The following BEND3 variants were observed in gnomAD, a reference collection of about 807,000 sequenced individuals.
BEND3 encodes BEN domain-containing protein 3.
A neutral mutation model predicts 60.1 loss-of-function variants in BEND3; 13 were observed. The ratio of observed to expected loss-of-function variants is 0.22; its 90% CI spans 0.14 to 0.34. The LOEUF (loss-of-function observed/expected upper bound fraction) is 0.34, where lower values mean the gene tolerates loss of function less well. Among genes scored for constraint, BEND3 ranks in the 10% least tolerant of loss-of-function variants. The probability of loss-of-function intolerance (pLI) is 1.00; values close to 1 mark genes in which losing one functional copy is unlikely to be tolerated. For missense variants in BEND3, 896 were observed against 1,138.1 expected, an observed-to-expected ratio of 0.79 and a Z score of 3.06; for synonymous variants, 497 against 491.5, an observed-to-expected ratio of 1.01 and a Z score of -0.15.
chr6:107,071,450 G>A (rs550190462), intron 3 of BEND3, among the ~76,000 whole-genome samples: 1 of 152,306 alleles, frequency 6.6e-6, no homozygotes, highest in Admixed American at 6.5e-5. Context: ...GCAGCCTTTG[G>A]GAGAGCAGGC....
chr6:107,090,727 T>TA (rs1775458126), intron 3 of BEND3, among the ~76,000 whole-genome samples: 2 of 152,148 alleles, frequency 1.3e-5, no homozygotes, highest in African/African-American at 4.8e-5. Context: ...ATGCTTGGAC[T>TA]AGTTGTAAAT....
At chr6:107,086,854 G>A (rs143819868) in intron 3 of BEND3, among the ~76,000 whole-genome samples, 5,036 of 150,922 alleles carry the variant, frequency 0.033, 220 homozygotes, top group African/African-American at 0.099. Context: ...GTAAAACCCC[G>A]TCTCTACTAA....
chr6:107,100,547 G>A (rs970911176), intron 1 of BEND3, among the ~76,000 whole-genome samples: 1 of 152,154 alleles, frequency 6.6e-6, no homozygotes, highest in African/African-American at 2.4e-5. Flanking sequence ...GATTAGAGGT[G>A]TGAGCCATTG....
At chr6:107,072,960 C>G (rs1775013981) in intron 3 of BEND3, among the ~76,000 whole-genome samples, 1 of 151,868 alleles carries the variant, frequency 6.6e-6, no homozygotes, top group East Asian at 1.9e-4. Context: ...TGCACCCCAG[C>G]CTGGGTGACA....
At chr6:107,073,510 C>T (rs1443737794) in intron 3 of BEND3, among the ~76,000 whole-genome samples, 2 of 151,938 alleles carry the variant, frequency 1.3e-5, no homozygotes, top group Non-Finnish European at 1.5e-5. Context: ...CAGTGCCTAG[C>T]AAAGTGCCCA....
chr6:107,110,230 AAT>A (rs1190902642), intron 1 of BEND3, among the ~76,000 whole-genome samples: 7 of 152,178 alleles, frequency 4.6e-5, no homozygotes, highest in Non-Finnish European at 7.3e-5. Context: ...GCTCTAAAAC[AAT>A]AGTTTGTAAA....
At chr6:107,099,202 A>C in intron 2 of BEND3, 47 bp downstream of exon 2, 1 of 1,465,382 alleles carries the variant, frequency 6.8e-7, no homozygotes, top group Non-Finnish European at 9.6e-7. Context: ...ACCTGATCAA[A>C]AGTATTCAGT....
At chr6:107,080,652 C>T (rs879999427) in intron 3 of BEND3, among the ~76,000 whole-genome samples, 4 of 151,498 alleles carry the variant, frequency 2.6e-5, no homozygotes, top group Non-Finnish European at 2.9e-5. Context: ...GAGGCCAGGG[C>T]GGGTGGATCT....
intron 1 of BEND3, chr6:107,114,512 G>C (rs1428004219): frequency 6.6e-6 from 1 of 151,708 alleles, no homozygotes; most frequent in Non-Finnish European, 1.5e-5. Flanking sequence ...TCCTCCGAGC[G>C]GCTGCTCCCC....
rs147225530 is a variant in BEND3, at chr6:107,087,191, C to T, written c.240+11360G>A. Among the ~76,000 whole-genome samples the T allele has an allele frequency of 2.0e-4, 30 of 151,648 alleles. 1 individual carries two copies. The highest frequency in any genetic ancestry group is 7.2e-4 in the Admixed American group (11 of 15,198). The stretch of plus-strand genomic sequence containing the variant: ...TACTAAAAATACAAAAATCAGCGAA[C>T]GCCTGTAATCCTAACTATTTGGCAG... On this transcript the variant is annotated intron_variant, in intron 3 of 3. Transcript: ENST00000369042.
chr6:107,075,073 C>T (rs1419460646), intron 3 of BEND3, among the ~76,000 whole-genome samples: 16 of 150,168 alleles, frequency 1.1e-4, no homozygotes, highest in Non-Finnish European at 2.2e-4. Flanking sequence ...GCCTGGGCAA[C>T]AGAGCGTCTC....
intron 3 of BEND3, among the ~76,000 whole-genome samples, chr6:107,076,913 A>G (rs1554232839): frequency 6.6e-6 from 1 of 151,796 alleles, no homozygotes; most frequent in African/African-American, 2.4e-5. Context: ...GCTCACTGCA[A>G]CCTTCGCCAT....
chr6:107,084,240 T>G (rs1775293765), intron 3 of BEND3, among the ~76,000 whole-genome samples: 1 of 152,172 alleles, frequency 6.6e-6, no homozygotes. Context: ...GAACTGCAAC[T>G]GAGGAATTGC....
intron 3 of BEND3, among the ~76,000 whole-genome samples, chr6:107,075,664 C>T (rs1337380400): frequency 6.6e-6 from 1 of 152,086 alleles, no homozygotes; most frequent in East Asian, 1.9e-4. Flanking sequence ...GAAAAGGAGA[C>T]TTTGCTTTAA....
In BEND3 at chr6:107,099,744, G is replaced by C. The variant is rs192097935; in HGVS notation, c.-11-448C>G. 5.3e-5 allele frequency among the ~76,000 whole-genome samples: 8 copies of C among 152,240 alleles called. 1 individual carries two copies. The East Asian group carries it at 1.5e-3, about 29-fold the overall frequency. On this transcript the variant is annotated intron_variant, in intron 1 of 3. Transcript: ENST00000369042. ...GAACTGTGCTGCCCATGACCTGAAGGTGGCTACTAGCCACACCTGGCTACC... is the reference window on the plus strand; with the variant it reads ...GAACTGTGCTGCCCATGACCTGAAGCTGGCTACTAGCCACACCTGGCTACC...
intron 1 of BEND3, among the ~76,000 whole-genome samples, chr6:107,107,854 G>A (rs371264082): frequency 2.4e-4 from 37 of 152,174 alleles, no homozygotes; most frequent in African/African-American, 8.9e-4. Flanking sequence ...TCTTTCCAAT[G>A]AAACATAGAA....
rs533465437 is a variant in BEND3 at position 107,106,423 on chromosome 6, C to T, written c.-11-7127G>A. 9.2e-5 allele frequency among the ~76,000 whole-genome samples: 14 copies of T among 152,318 alleles called. No individual in the cohort carries two copies. In the South Asian group the frequency reaches 2.9e-3, roughly 32 times the overall value. On this transcript the variant is annotated intron_variant, in intron 1 of 3. Transcript: ENST00000369042. The stretch of plus-strand genomic sequence containing the variant: ...TGAGGAATGGGCCATGACCTCCCAG[C>T]TTTCTTTCCCTCTTCCTGCTAAGCT...
chr6:107,105,377 G>GAA (rs35131970), intron 1 of BEND3, among the ~76,000 whole-genome samples: 142 of 120,420 alleles, frequency 1.2e-3, no homozygotes, highest in African/African-American at 4.0e-3. Context: ...TCTCAAAAAA[G>GAA]AAAAAAAAAA....
rs1483129864 is a variant in BEND3, at chr6:107,115,109, C to A, written c.-31G>T. 1 of 150,012 alleles carries A rather than the reference C, an allele frequency of 6.7e-6. No homozygotes were observed. Among genetic ancestry groups the A allele is most frequent in the Non-Finnish European group, 1.5e-5 (1 of 67,352 alleles). The allele number at this position is 150,012 out of a possible 1,614,324, so 9.3% of individuals were successfully genotyped here. A position where few individuals can be genotyped will look rare whatever the true frequency, so the allele number is the denominator to read the frequency against. ...ACTTACCTGGGACGCGAGTTCTGTA[C>A]TTTGCCGGGCGGGCCCGCGCCGAGT... On this transcript the variant is annotated 5_prime_UTR_variant, in exon 1 of 4. Transcript: ENST00000369042.
Sources: allele counts gnomAD v4.1 joint callset (sites outside exome capture counted in the v4.1 genomes callset), GRCh38; gene constraint gnomAD v4.1.1; transcripts MANE v1.5; gene names NCBI Gene and HGNC (gene_info 2026-07-23, HGNC 2026-07-21).